The following PCDHGA1 variants were observed in gnomAD, a reference collection of about 807,000 sequenced individuals.
The protein encoded by PCDHGA1 is protocadherin gamma-A1.
PCDHGA1 carries 32 observed loss-of-function variants against 58.0 expected under a neutral mutation model. That is an observed-to-expected ratio of 0.55 (90% CI 0.42 to 0.74). The LOEUF (loss-of-function observed/expected upper bound fraction) is 0.74, where lower values mean the gene tolerates loss of function less well. PCDHGA1 is among the 30% of genes least tolerant of loss of function. The probability of loss-of-function intolerance (pLI) is 0.00; values close to 1 mark genes in which losing one functional copy is unlikely to be tolerated. For missense variants in PCDHGA1, 1,205 were observed against 1,182.3 expected (o/e 1.02, Z -0.28); for synonymous variants, 498 against 501.1 (o/e 0.99, Z 0.08).
At chr5:141,391,561 G>A (rs2092390304) in intron 1 of PCDHGA1, 1 of 152,026 alleles carries the variant, frequency 6.6e-6, no homozygotes, top group Non-Finnish European at 1.5e-5. Context: ...TTTTCCATAT[G>A]CATAAGAAAA....
At chr5:141,422,141 G>A (rs1441509284) in intron 1 of PCDHGA1, 9 of 1,583,068 alleles carry the variant, frequency 5.7e-6, no homozygotes, top group Middle Eastern at 1.7e-4. Context: ...GTTCAAGTAC[G>A]GGGGTCTCTG....
intron 1 of PCDHGA1, among the ~76,000 whole-genome samples, chr5:141,455,095 A>G (rs910300076): frequency 2.6e-5 from 4 of 151,836 alleles, no homozygotes; most frequent in African/African-American, 9.7e-5. Flanking sequence ...TACAGGCTTG[A>G]GCCACTGCGC....
At chr5:141,430,656 G>A in intron 1 of PCDHGA1, 1 of 1,092,670 alleles carries the variant, frequency 9.2e-7, no homozygotes, top group Non-Finnish European at 1.3e-6. Context: ...GGAAACAACG[G>A]AGGAGCTCTG....
intron 1 of PCDHGA1, chr5:141,371,871 G>A (rs1298727306): frequency 1.9e-6 from 3 of 1,613,400 alleles, no homozygotes; most frequent in African/African-American, 2.7e-5. Flanking sequence ...CTACATCGTG[G>A]CCAGTGACCT....
intron 1 of PCDHGA1, chr5:141,421,637 A>T: frequency 6.2e-7 from 1 of 1,613,810 alleles, no homozygotes; most frequent in Non-Finnish European, 8.5e-7. Flanking sequence ...TTCCAGGAGG[A>T]CGAAGTGGAG....
intron 1 of PCDHGA1, among the ~76,000 whole-genome samples, chr5:141,470,448 T>C (rs1384666661): frequency 6.6e-6 from 1 of 152,192 alleles, no homozygotes. Flanking sequence ...TTTAATAGCA[T>C]CTTGAATAGG....
intron 1 of PCDHGA1, chr5:141,345,661 G>A (rs777845958): frequency 8.7e-6 from 14 of 1,614,100 alleles, no homozygotes; most frequent in Non-Finnish European, 1.2e-5. Flanking sequence ...CCTCCACTCA[G>A]CAGCAACGTG....
intron 2 of PCDHGA1, among the ~76,000 whole-genome samples, chr5:141,503,998 A>G (rs746158378): frequency 4.6e-5 from 7 of 152,104 alleles, no homozygotes; most frequent in Admixed American, 1.3e-4. Context: ...CCTTACAGTC[A>G]CTTAACTGTC....
rs868008554 is a variant in PCDHGA1, at chr5:141,431,417, C to T, written c.2422-63390C>T. 1 of 1,613,666 alleles carries T rather than the reference C, an allele frequency of 6.2e-7. No homozygotes were observed. Among genetic ancestry groups the T allele is most frequent in the South Asian group, 1.1e-5 (1 of 91,082 alleles). ...CCTTACGGCCTCCGACGGGGGCGAC[C>T]CGGTGCGCACAGGCACCGCGCGCAT... On this transcript the variant is annotated intron_variant, in intron 1 of 3. Transcript: ENST00000517417. This position sits in a 1 kb window ranked among gnomAD's most constrained non-coding sequence, Gnocchi z 4.8.
At chr5:141,365,047 G>T (rs1436850571) in intron 1 of PCDHGA1, 15 of 1,613,686 alleles carry the variant, frequency 9.3e-6, no homozygotes, top group Non-Finnish European at 1.3e-5. Flanking sequence ...ACGACAATGC[G>T]CCCCTGTTCA....
chr5:141,444,800 A>G (rs1294854513), intron 1 of PCDHGA1, among the ~76,000 whole-genome samples: 1 of 152,078 alleles, frequency 6.6e-6, no homozygotes, highest in East Asian at 1.9e-4. Flanking sequence ...CTATTCTTTT[A>G]CTAATAGCAC....
At chr5:141,355,511 C>T in intron 1 of PCDHGA1, 1 of 1,614,022 alleles carries the variant, frequency 6.2e-7, no homozygotes, top group Admixed American at 1.7e-5. Context: ...AACTGTGTGA[C>T]AAACCTGGAG....
At chr5:141,463,796 G>T (rs139760353) in intron 1 of PCDHGA1, among the ~76,000 whole-genome samples, 3 of 152,114 alleles carry the variant, frequency 2.0e-5, no homozygotes, top group Non-Finnish European at 2.9e-5. Flanking sequence ...TTGAACAAAT[G>T]TCTAAAAGCT....
At position 141,404,169 on chromosome 5, in the gene PCDHGA1, C is replaced by A; in HGVS notation, c.2421+71064C>A. On this transcript the variant is annotated intron_variant, in intron 1 of 3. Transcript: ENST00000517417. Reference sequence around the variant, plus strand: ...GAAGAAGATTATTACAGATTGTTGACGGCCCAAATTCTTGACCGAGAAAAA... The same window carrying A: ...GAAGAAGATTATTACAGATTGTTGAAGGCCCAAATTCTTGACCGAGAAAAA... 1 of 1,612,736 alleles carries A rather than the reference C, an allele frequency of 6.2e-7. No individual in the cohort carries two copies. The highest frequency in any genetic ancestry group is 8.5e-7 in the Non-Finnish European group (1 of 1,179,276).
chr5:141,407,798 A>T (rs2094982737), intron 1 of PCDHGA1, among the ~76,000 whole-genome samples: 1 of 152,256 alleles, frequency 6.6e-6, no homozygotes, highest in Non-Finnish European at 1.5e-5. Context: ...AACACAAAGC[A>T]TAGAAATATC....
At chr5:141,403,811 A>C in intron 1 of PCDHGA1, 1 of 1,613,930 alleles carries the variant, frequency 6.2e-7, no homozygotes, top group Non-Finnish European at 8.5e-7. Flanking sequence ...AATTAATGAA[A>C]AACAATCTCT....
At position 141,476,881 on chromosome 5, in the gene PCDHGA1, G is replaced by A. The variant is rs1458703890; in HGVS notation, c.2422-17926G>A. On this transcript the variant is annotated intron_variant, in intron 1 of 3. Coordinates refer to ENST00000517417, the MANE Select transcript of PCDHGA1 (RefSeq NM_018912.3). The surrounding 1 kb of genome is among the most constrained non-coding windows in gnomAD (Gnocchi z 7.6). The stretch of plus-strand genomic sequence containing the variant: ...CCTTGTACCGGGCGCGCGTCCTGGA[G>A]GATGCACCCTCCGGCACGCGCGTGG... 1.9e-6 allele frequency: 3 copies of A among 1,613,874 alleles called. No homozygotes were observed. Among genetic ancestry groups the A allele is most frequent in the Middle Eastern group, 1.6e-4 (1 of 6,084 alleles).
At chr5:141,399,231 T>C in intron 1 of PCDHGA1, 1 of 1,613,942 alleles carries the variant, frequency 6.2e-7, no homozygotes, top group Non-Finnish European at 8.5e-7. Flanking sequence ...TCAAAATACA[T>C]GACCAAGATT....
intron 1 of PCDHGA1, chr5:141,394,707 C>T (rs1325466311): frequency 1.2e-6 from 2 of 1,613,272 alleles, no homozygotes; most frequent in Non-Finnish European, 1.7e-6. Context: ...GGCGCGAGCC[C>T]TGCTGGACAG....
Sources: allele counts gnomAD v4.1 joint callset (sites outside exome capture counted in the v4.1 genomes callset), GRCh38; gene constraint gnomAD v4.1.1; non-coding constraint Gnocchi (gnomAD v3.1); transcripts MANE v1.5; gene names NCBI Gene and HGNC (gene_info 2026-07-23, HGNC 2026-07-21).